The following ZNF681 variants were observed in gnomAD, a reference collection of about 807,000 sequenced individuals.
ZNF681 encodes hypothetical protein FLJ31526.
In ZNF681, 37 loss-of-function variants were observed where a neutral mutation model predicts 56.0. The ratio of observed to expected loss-of-function variants is 0.66; its 90% CI spans 0.51 to 0.87. The LOEUF (loss-of-function observed/expected upper bound fraction) is 0.87, where lower values mean the gene tolerates loss of function less well. ZNF681 is among the 40% of genes least tolerant of loss of function. The probability of loss-of-function intolerance (pLI) is 0.00; values close to 1 mark genes in which losing one functional copy is unlikely to be tolerated. For missense variants in ZNF681, 741 were observed against 744.9 expected, an observed-to-expected ratio of 0.99 and a Z score of 0.06; for synonymous variants, 225 against 248.6, an observed-to-expected ratio of 0.91 and a Z score of 0.89.
rs76318099 is a variant in ZNF681 at position 23,752,171 on chromosome 19, C to G, written c.226+2652G>C. On this transcript the variant is annotated intron_variant, in intron 3 of 3. Coordinates refer to ENST00000402377, the MANE Select transcript of ZNF681 (RefSeq NM_138286.3). ...AGGCAGGTGGCAAACTACAGAACTC[C>G]TATTTTTCAGTATAGACCAGGAAAT... 5.5e-4 allele frequency among the ~76,000 whole-genome samples: 83 copies of G among 152,252 alleles called. No homozygotes were observed. The East Asian group carries it at 0.014, about 25-fold the overall frequency.
At chr19:23,757,862 AT>A (rs1969146624) in intron 1 of ZNF681, among the ~76,000 whole-genome samples, 1 of 152,096 alleles carries the variant, frequency 6.6e-6, no homozygotes, top group African/African-American at 2.4e-5. Flanking sequence ...TAAAAAAAAA[AT>A]CCTTAAATCT....
Position 23,744,736 on chromosome 19 carries a change from G to A in ZNF681, c.814C>T (p.His272Tyr), listed in dbSNP as rs761320973. 2 of 1,613,734 alleles carry A rather than the reference G, an allele frequency of 1.2e-6. No homozygotes were observed. The highest frequency in any genetic ancestry group is 1.1e-5 in the South Asian group (1 of 91,044). The part of the protein sequence containing the change: ...AFNLSSHITT[H>Y]TIIHTGENPY... ...TTCTCTCCAGTATGAATTATTGTAT[G>A]TGTTGTAATGTGTGACGACAGGTTA... is the stretch of plus-strand genomic sequence containing the variant. The change falls in exon 4 of 4, where the codon CAT becomes TAT. Residue 272 changes from histidine to tyrosine, a missense_variant. His to Tyr is a moderately conservative substitution (Grantham distance 83). Coordinates refer to ENST00000402377, the MANE Select transcript of ZNF681 (RefSeq NM_138286.3).
intron 3 of ZNF681, among the ~76,000 whole-genome samples, chr19:23,753,323 C>T (rs76677943): frequency 0.074 from 10,816 of 146,854 alleles, no homozygotes; most frequent in East Asian, 0.17. Flanking sequence ...TGCTTGAACC[C>T]GGGAGGCAGA....
At chr19:23,758,674 C>T in intron 1 of ZNF681, 73 bp downstream of exon 1, 1 of 1,612,120 alleles carries the variant, frequency 6.2e-7, no homozygotes, top group African/African-American at 1.3e-5. Flanking sequence ...AATTGTGGAG[C>T]TGACTGCGGC....
chr19:23,746,397 C>T (rs1303517431), intron 3 of ZNF681, among the ~76,000 whole-genome samples: 2 of 152,050 alleles, frequency 1.3e-5, no homozygotes, highest in Non-Finnish European at 2.9e-5. Flanking sequence ...ATGCCAGCAT[C>T]GACTTCTGGT....
chr19:23,756,565 T>C (rs1455612549), intron 1 of ZNF681, among the ~76,000 whole-genome samples: 1 of 152,152 alleles, frequency 6.6e-6, no homozygotes. Context: ...CACTGCATGT[T>C]GTCACTCATT....
chr19:23,756,532 T>G (rs1356087772), intron 1 of ZNF681, among the ~76,000 whole-genome samples: 2 of 152,008 alleles, frequency 1.3e-5, no homozygotes, highest in Admixed American at 1.3e-4. Flanking sequence ...CTCAGAAAAC[T>G]AACACAGGAA....
chr19:23,755,196 C>G (rs4932921), intron 2 of ZNF681, among the ~76,000 whole-genome samples: 1 of 152,064 alleles, frequency 6.6e-6, no homozygotes, highest in South Asian at 2.1e-4. Context: ...AATTACCACT[C>G]TAATCTAGAG....
At chr19:23,754,349 A>G (rs1335259438) in intron 3 of ZNF681, among the ~76,000 whole-genome samples, 2 of 151,922 alleles carry the variant, frequency 1.3e-5, no homozygotes, top group Admixed American at 6.6e-5. Flanking sequence ...AAGACAGAAG[A>G]CTCCCTTATG....
In ZNF681 at chr19:23,742,991, C is replaced by T. The variant is rs979860450; in HGVS notation, c.*621G>A. 1.3e-5 allele frequency: 2 copies of T among 152,146 alleles called. No individual in the cohort carries two copies. Among genetic ancestry groups the T allele is most frequent in the Non-Finnish European group, 2.9e-5 (2 of 68,038 alleles). The allele number at this position is 152,146 out of a possible 1,614,324, so 9.4% of individuals were successfully genotyped here. On this transcript the variant is annotated 3_prime_UTR_variant, in exon 4 of 4. Coordinates refer to ENST00000402377, the MANE Select transcript of ZNF681 (RefSeq NM_138286.3). ...AATGCCTGAAGTGTCAGTGCCTTAACTATTTCTACTGTGAATTATCTGATA... is the reference window on the plus strand; with the variant it reads ...AATGCCTGAAGTGTCAGTGCCTTAATTATTTCTACTGTGAATTATCTGATA...
chr19:23,743,990 T>G lies in ZNF681; in HGVS notation c.1560A>C (p.Lys520Asn), dbSNP rs1203304291. 4 of 1,603,842 alleles carry G rather than the reference T, an allele frequency of 2.5e-6. No individual in the cohort carries two copies. Among genetic ancestry groups the G allele is most frequent in the Admixed American group, 1.7e-5 (1 of 59,178 alleles). Residue 520 changes from lysine (K) to asparagine (N), a missense_variant, in exon 4 of 4, where the codon AAA becomes AAC. Lys to Asn is a moderately conservative substitution (Grantham distance 94, BLOSUM62 0). Transcript: ENST00000402377. ...ECGKAFYRSS[K>N]LTEHKKIHTG... ...TATGAATTTTCTTATGTTCAGTAAG[T>G]TTTGAGGATCGATAGAAAGCTTTGC...
At position 23,755,484 on chromosome 19, in the gene ZNF681, A is replaced by G; in HGVS notation, c.71T>C (p.Ile24Thr). 1 of 1,610,728 alleles carries G rather than the reference A, an allele frequency of 6.2e-7. No individual in the cohort carries two copies. The highest frequency in any genetic ancestry group is 8.5e-7 in the Non-Finnish European group (1 of 1,178,186). ...SLEEWQCLDT[I>T]QQNLYRNVML... ...CACATTCCTATATAAATTCTGCTGT[A>G]TAGTGTCCAGGCATTGCCACTCCTC... The change falls in exon 2 of 4, where the codon ATA (isoleucine) becomes ACA (threonine). Residue 24 changes from isoleucine (I) to threonine (T), a missense_variant. Ile to Thr is a moderately conservative substitution (Grantham distance 89, BLOSUM62 -1). Coordinates refer to ENST00000402377, the MANE Select transcript of ZNF681 (RefSeq NM_138286.3).
At chr19:23,747,410 C>T (rs990362297) in intron 3 of ZNF681, among the ~76,000 whole-genome samples, 13 of 151,906 alleles carry the variant, frequency 8.6e-5, no homozygotes, top group South Asian at 6.2e-4. Flanking sequence ...GAGGCCGAGG[C>T]GGGCGTATCA....
rs577521352 is a variant in ZNF681 at position 23,754,851 on chromosome 19, C to T, written c.198G>A (p.Lys66=). ...LEQEKEPWTR[K]RHRMVAEPPV... ...GGGGTTCGGCCACCATCCTATGTCT[C>T]TTTCTAGTCCAAGGCTCTTTTTCTT... Residue 66 remains lysine, a synonymous_variant, in exon 3 of 4, where the codon AAG becomes AAA. Transcript: ENST00000402377. The T allele has an allele frequency of 1.5e-4, 247 of 1,614,090 alleles. 5 individuals are homozygous for T. In the South Asian group the frequency reaches 2.6e-3, roughly 17 times the overall value.
intron 3 of ZNF681, 93 bp from the exon 4 acceptor site, chr19:23,745,416 G>C (rs1407105836): frequency 4.0e-6 from 4 of 1,001,390 alleles, no homozygotes; most frequent in East Asian, 6.1e-5. Context: ...AATTACATAA[G>C]CAAGATGGTA....
rs1352550294 is a variant in ZNF681 at position 23,740,203 on chromosome 19, T to C, written c.*3409A>G. 1 of 152,108 alleles carries C rather than the reference T, an allele frequency of 6.6e-6. No homozygotes were observed. The highest frequency in any genetic ancestry group is 1.5e-5 in the Non-Finnish European group (1 of 68,018). The allele number at this position is 152,108 out of a possible 1,614,324, so 9.4% of individuals were successfully genotyped here. Reference sequence around the variant, plus strand: ...CAGAAAATTATATTGATATGCAAAATCTCCAGTTAAAACCAATCTTGCAGT... The same window carrying C: ...CAGAAAATTATATTGATATGCAAAACCTCCAGTTAAAACCAATCTTGCAGT... On this transcript the variant is annotated 3_prime_UTR_variant, in exon 4 of 4. Transcript: ENST00000402377.
At position 23,745,144 on chromosome 19, in the gene ZNF681, T is replaced by C. The variant is rs1204732611; in HGVS notation, c.406A>G (p.Thr136Ala). Residue 136 changes from threonine to alanine, a missense_variant, in exon 4 of 4, where the codon ACT (threonine) becomes GCT (alanine). Physicochemically the swap from Thr to Ala is moderately conservative, Grantham distance 58. Transcript: ENST00000402377. ...GYNGLNQCLP[T>A]TQSKIFQCDK... ...CATTGAAATATTTTGCTCTGGGTAGTTGGCAAACATTGGTTAAGTCCATTA... is the reference window on the plus strand; with the variant it reads ...CATTGAAATATTTTGCTCTGGGTAGCTGGCAAACATTGGTTAAGTCCATTA... The C allele has an allele frequency of 6.2e-7, 1 of 1,611,930 alleles. No individual in the cohort carries two copies. The highest frequency in any genetic ancestry group is 1.3e-5 in the African/African-American group (1 of 74,814).
At chr19:23,756,788 T>C (rs1168754503) in intron 1 of ZNF681, among the ~76,000 whole-genome samples, 1 of 152,026 alleles carries the variant, frequency 6.6e-6, no homozygotes, top group African/African-American at 2.4e-5. Context: ...TCTGCACTTG[T>C]ATCCCGAAAC....
In ZNF681 at chr19:23,740,730, A is replaced by T. The variant is rs989132500; in HGVS notation, c.*2882T>A. 9.9e-5 allele frequency: 15 copies of T among 152,222 alleles called. No homozygotes were observed. Among genetic ancestry groups the T allele is most frequent in the Admixed American group, 2.0e-4 (3 of 15,282 alleles). 9.4% of individuals were successfully genotyped at this position (152,222 alleles called of 1,614,324 possible). A position where few individuals can be genotyped will look rare whatever the true frequency, so the allele number is the denominator to read the frequency against. ...ACTGAAAGGAACAAAAACTAAAAAA[A>T]GTAGGCTTATACAGCGTTCTCCAAT... On this transcript the variant is annotated 3_prime_UTR_variant, in exon 4 of 4. Transcript: ENST00000402377.
Sources: allele counts gnomAD v4.1 joint callset (sites outside exome capture counted in the v4.1 genomes callset), GRCh38; gene constraint gnomAD v4.1.1; transcripts MANE v1.5; gene names NCBI Gene and HGNC (gene_info 2026-07-23, HGNC 2026-07-21).